PRIM2: variants seen among roughly 807,000 people sequenced by gnomAD.
PRIM2 encodes DNA primase subunit 2.
In PRIM2, 39 loss-of-function variants were observed where a neutral mutation model predicts 67.3. That is an observed-to-expected ratio of 0.58 (90% CI 0.45 to 0.76). The LOEUF (loss-of-function observed/expected upper bound fraction) is 0.76. Ranked by LOEUF, PRIM2 falls within the 30% of genes least tolerant of loss-of-function variation. The pLI, the probability that PRIM2 is intolerant of heterozygous loss-of-function variation, is 0.00. For missense variants in PRIM2, 398 were observed against 598.7 expected, an observed-to-expected ratio of 0.66 and a Z score of 3.50; for synonymous variants, 143 against 198.7, an observed-to-expected ratio of 0.72 and a Z score of 2.36.
chr6:57,312,452 T>A (rs1767407824), upstream of PRIM2, among the ~76,000 whole-genome samples: 1 of 151,820 alleles, frequency 6.6e-6, no homozygotes, highest in Non-Finnish European at 1.5e-5. Context: ...CAGTGGGCAG[T>A]GATAGCATCA....
At chr6:57,283,206 C>A in the PRIM2 span, among the ~76,000 whole-genome samples, 1 of 152,138 alleles carries the variant, frequency 6.6e-6, no homozygotes, top group Non-Finnish European at 1.5e-5. Flanking sequence ...ATGAAATGAT[C>A]AACAATTCAA....
chr6:57,372,863 A>C (rs1769611712), intron 5 of PRIM2, among the ~76,000 whole-genome samples: 1 of 152,156 alleles, frequency 6.6e-6, no homozygotes, highest in South Asian at 2.1e-4. Flanking sequence ...ATTAATCGGC[A>C]TTTGGGTTGA....
chr6:57,547,732 A>G (rs1353218841), intron 10 of PRIM2, among the ~76,000 whole-genome samples: 3 of 152,160 alleles, frequency 2.0e-5, no homozygotes, highest in Non-Finnish European at 2.9e-5. Flanking sequence ...TCTGTCCTTG[A>G]TGACAGCATG....
intron 7 of PRIM2, among the ~76,000 whole-genome samples, chr6:57,453,439 G>C (rs574908730): frequency 9.2e-5 from 14 of 152,066 alleles, no homozygotes; most frequent in Admixed American, 3.9e-4. Flanking sequence ...TCTTCCATTT[G>C]TTTGTATCCT....
chr6:57,443,169 A>AT (rs1427042004), intron 7 of PRIM2, among the ~76,000 whole-genome samples: 2 of 152,148 alleles, frequency 1.3e-5, no homozygotes, highest in Non-Finnish European at 2.9e-5. Flanking sequence ...ACTTAGGTTG[A>AT]TTCCATAATT....
intron 9 of PRIM2, among the ~76,000 whole-genome samples, chr6:57,534,576 A>G (rs1413912886): frequency 2.0e-5 from 3 of 152,084 alleles, no homozygotes; most frequent in African/African-American, 7.2e-5. Context: ...TTACTCTCAT[A>G]TAGTCTTTTC....
intron 10 of PRIM2, among the ~76,000 whole-genome samples, chr6:57,578,195 T>C (rs1775997758): frequency 6.6e-6 from 1 of 152,238 alleles, no homozygotes; most frequent in Admixed American, 6.5e-5. Context: ...CACTTATTAC[T>C]TATTATTAAT....
intron 6 of PRIM2, 90 bp downstream of exon 6, chr6:57,380,086 C>T (rs1418435094): frequency 7.8e-5 from 80 of 1,029,110 alleles, no homozygotes; most frequent in Non-Finnish European, 9.9e-5. Context: ...TTTTTATAGC[C>T]TCTCATCATC....
At chr6:57,425,674 A>G (rs1292669152) in intron 7 of PRIM2, among the ~76,000 whole-genome samples, 1 of 152,206 alleles carries the variant, frequency 6.6e-6, no homozygotes, top group African/African-American at 2.4e-5. Flanking sequence ...TAATCCTCAG[A>G]AGCCAGAAAT....
At chr6:57,297,042 T>A in the PRIM2 span, among the ~76,000 whole-genome samples, 5 of 152,254 alleles carry the variant, frequency 3.3e-5, no homozygotes, top group East Asian at 9.6e-4. Context: ...AGTTCACTGA[T>A]ACAAACAATT....
chr6:57,634,970 A>G (rs1777094841), intron 13 of PRIM2, among the ~76,000 whole-genome samples: 1 of 152,026 alleles, frequency 6.6e-6, no homozygotes. Context: ...CTTCATTTAT[A>G]TTTTTTCTAA....
chr6:57,229,806 T>C, the PRIM2 span, among the ~76,000 whole-genome samples: 1 of 152,182 alleles, frequency 6.6e-6, no homozygotes, highest in Non-Finnish European at 1.5e-5. Flanking sequence ...GCTTTAATTC[T>C]TTTGAACATA....
chr6:57,352,080 A>G (rs1768876243), intron 5 of PRIM2, among the ~76,000 whole-genome samples: 1 of 152,210 alleles, frequency 6.6e-6, no homozygotes, highest in African/African-American at 2.4e-5. Context: ...TTGTTTATTG[A>G]AGGTTTAAAA....
the PRIM2 span, among the ~76,000 whole-genome samples, chr6:57,293,434 C>T: frequency 2.0e-5 from 3 of 152,142 alleles, no homozygotes; most frequent in Non-Finnish European, 4.4e-5. Flanking sequence ...GTGGCAATTC[C>T]TCAAGGATCT....
At chr6:57,247,919 T>TA in the PRIM2 span, among the ~76,000 whole-genome samples, 4 of 152,112 alleles carry the variant, frequency 2.6e-5, no homozygotes, top group South Asian at 2.1e-4. Context: ...ATAATGAGAC[T>TA]AAAAAAAATC....
the PRIM2 span, among the ~76,000 whole-genome samples, chr6:57,308,626 C>T: frequency 1.3e-5 from 2 of 152,144 alleles, no homozygotes; most frequent in African/African-American, 4.8e-5. Flanking sequence ...GTAGTTGTAT[C>T]AATTAACAGT....
intron 10 of PRIM2, among the ~76,000 whole-genome samples, chr6:57,555,341 A>G (rs1775491811): frequency 6.6e-6 from 1 of 152,098 alleles, no homozygotes; most frequent in Admixed American, 6.5e-5. Flanking sequence ...GCGCAGTGAC[A>G]TGATCTTGGC....
intron 8 of PRIM2, among the ~76,000 whole-genome samples, chr6:57,521,378 T>TTTG: frequency 6.8e-6 from 1 of 147,364 alleles, no homozygotes; most frequent in East Asian, 1.9e-4. Context: ...TTTTTTTTTT[T>TTTG]TTTTTTTTTT....
the PRIM2 span, among the ~76,000 whole-genome samples, chr6:57,286,247 G>GA: frequency 2.6e-5 from 4 of 152,024 alleles, no homozygotes; most frequent in African/African-American, 9.7e-5. Flanking sequence ...CGCAGAACTA[G>GA]AAAAAACTAC....
Sources: allele counts gnomAD v4.1 joint callset (sites outside exome capture counted in the v4.1 genomes callset), GRCh38; gene constraint gnomAD v4.1.1; transcripts MANE v1.5; gene names NCBI Gene and HGNC (gene_info 2026-07-23, HGNC 2026-07-21).